The following WIPF2 variants were observed in gnomAD, a reference collection of about 807,000 sequenced individuals.
WIPF2 encodes WAS/WASL interacting protein family member 2.
Under a neutral mutation model 38.8 loss-of-function variants are expected in WIPF2, and 23 were observed. The ratio of observed to expected loss-of-function variants is 0.59; its 90% CI spans 0.43 to 0.84. The LOEUF (loss-of-function observed/expected upper bound fraction) is 0.84. Among genes scored for constraint, WIPF2 ranks in the 40% least tolerant of loss-of-function variants. The probability of loss-of-function intolerance (pLI) is 0.00; values close to 1 mark genes in which losing one functional copy is unlikely to be tolerated. For synonymous variants in WIPF2, 210 were observed against 223.2 expected (o/e 0.94, Z 0.53); for missense variants, 574 against 580.5 (o/e 0.99, Z 0.11).
chr17:40,273,183 G>A (rs886600496), intron 5 of WIPF2, among the ~76,000 whole-genome samples: 4 of 152,038 alleles, frequency 2.6e-5, no homozygotes, highest in Non-Finnish European at 5.9e-5. Context: ...ACAGGCACAC[G>A]CCACCACACC....
At chr17:40,230,228 G>A (rs1255706976) in intron 1 of WIPF2, among the ~76,000 whole-genome samples, 5 of 152,046 alleles carry the variant, frequency 3.3e-5, no homozygotes, top group Admixed American at 3.3e-4. Context: ...GGTTCTAGCC[G>A]CTCAGGAGGC....
intron 1 of WIPF2, among the ~76,000 whole-genome samples, chr17:40,237,532 A>G (rs1239517932): frequency 2.0e-5 from 3 of 151,562 alleles, no homozygotes; most frequent in Non-Finnish European, 1.5e-5. Context: ...GTGAGCTACC[A>G]CGCCCAACCC....
At chr17:40,266,811 G>GA (rs2032102412) in intron 5 of WIPF2, among the ~76,000 whole-genome samples, 1 of 152,130 alleles carries the variant, frequency 6.6e-6, no homozygotes, top group Non-Finnish European at 1.5e-5. Context: ...GGAGGCCAGA[G>GA]AAAAGAGAAT....
Position 40,277,149 on chromosome 17 carries a change from AC to A in WIPF2, c.1248del (p.Gln418ArgfsTer49). 6.2e-7 allele frequency: 1 copy of A among 1,613,558 alleles called. No homozygotes were observed. The highest frequency in any genetic ancestry group is 8.5e-7 in the Non-Finnish European group (1 of 1,179,706). On this transcript the variant is annotated frameshift_variant, in exon 7 of 8. Transcript: ENST00000323571. LOFTEE classifies it high-confidence loss of function. ...TTTCCTGCTCCAGAAGAATATAAACACTTTCAGAGGATATATCCCAGCAAAA... is the reference window on the plus strand; with the variant it reads ...TTTCCTGCTCCAGAAGAATATAAACATTTCAGAGGATATATCCCAGCAAAA... ...EDFPAPEEYK[H>X]FQRIYPSKTN...
At chr17:40,256,361 GTTCTTA>G in intron 1 of WIPF2, 24 bp from the exon 2 acceptor site, 1 of 1,543,566 alleles carries the variant, frequency 6.5e-7, no homozygotes, top group Non-Finnish European at 8.7e-7. Flanking sequence ...TGGTAAAGCT[GTTCTTA>G]ATGAGTTTCT....
chr17:40,254,047 C>T (rs2031645099), intron 1 of WIPF2, among the ~76,000 whole-genome samples: 2 of 149,874 alleles, frequency 1.3e-5, no homozygotes, highest in African/African-American at 4.9e-5. Flanking sequence ...GACAGAGTCT[C>T]ACTCTGTCAT....
intron 5 of WIPF2, among the ~76,000 whole-genome samples, chr17:40,265,517 C>A (rs924413906): frequency 3.3e-5 from 5 of 151,974 alleles, no homozygotes; most frequent in African/African-American, 1.2e-4. Context: ...AAGAAAGTGA[C>A]GAGTAAGCTT....
chr17:40,264,866 C>T lies in WIPF2; in HGVS notation c.690C>T (p.Val230=). ...GREGPPAPPP[V]KPPPSPVNIR... Reference sequence around the variant, plus strand: ...AGGGACCTCCTGCTCCACCCCCAGTCAAACCACCTCCTTCCCCTGTGAATA... The same window carrying T: ...AGGGACCTCCTGCTCCACCCCCAGTTAAACCACCTCCTTCCCCTGTGAATA... Residue 230 remains valine, a synonymous_variant, in exon 5 of 8, where the codon GTC becomes GTT. Coordinates refer to ENST00000323571, the MANE Select transcript of WIPF2 (RefSeq NM_133264.5). The T allele has an allele frequency of 6.2e-7, 1 of 1,614,204 alleles. No homozygotes were observed. Among genetic ancestry groups the T allele is most frequent in the Non-Finnish European group, 8.5e-7 (1 of 1,180,034 alleles).
chr17:40,247,989 C>T (rs572208653), intron 1 of WIPF2, among the ~76,000 whole-genome samples: 1 of 152,028 alleles, frequency 6.6e-6, no homozygotes, highest in Non-Finnish European at 1.5e-5. Context: ...TCTTTGGTTT[C>T]TTGCTGTTAA....
rs553546764 is a variant in WIPF2, at chr17:40,279,329, T to C, written c.*1104T>C. On this transcript the variant is annotated 3_prime_UTR_variant, in exon 8 of 8. Transcript: ENST00000323571. ...CTTTTAAGTCCTGCCTGTACTGAAG[T>C]TCACAGCCCACCTGACTGAGCAGAC... The C allele has an allele frequency of 6.5e-6, 1 of 152,798 alleles. No individual in the cohort carries two copies. Among genetic ancestry groups the C allele is most frequent in the South Asian group, 2.1e-4 (1 of 4,834 alleles). 9.5% of individuals were successfully genotyped at this position (152,798 alleles called of 1,614,324 possible). A position where few individuals can be genotyped will look rare whatever the true frequency, so the allele number is the denominator to read the frequency against.
At chr17:40,226,458 G>A (rs1420812872) in intron 1 of WIPF2, among the ~76,000 whole-genome samples, 3 of 150,792 alleles carry the variant, frequency 2.0e-5, no homozygotes, top group African/African-American at 4.9e-5. Context: ...CTCGCGATCC[G>A]CCCACCTTGG....
intron 6 of WIPF2, among the ~76,000 whole-genome samples, chr17:40,276,768 G>T (rs1176359937): frequency 6.6e-6 from 1 of 152,040 alleles, no homozygotes; most frequent in Non-Finnish European, 1.5e-5. Context: ...CAGAAAACTA[G>T]CCGGGTGAGG....
At position 40,251,930 on chromosome 17, in the gene WIPF2, T is replaced by C. The variant is rs150480361; in HGVS notation, c.-69-4461T>C. ...CAACACTAAAGTCAGTCACTTGATA[T>C]AGATGGTGTTTCTTTGATTTAACTT... On this transcript the variant is annotated intron_variant, in intron 1 of 7. Coordinates refer to ENST00000323571, the MANE Select transcript of WIPF2 (RefSeq NM_133264.5). Among the ~76,000 whole-genome samples the C allele has an allele frequency of 3.9e-5, 6 of 152,332 alleles. No homozygotes were observed. In the East Asian group the frequency reaches 7.7e-4, roughly 20 times the overall value.
At chr17:40,274,064 G>T (rs1202425716) in intron 6 of WIPF2, 65 bp downstream of exon 6, 1 of 1,333,538 alleles carries the variant, frequency 7.5e-7, no homozygotes, top group Non-Finnish European at 1.0e-6. Context: ...CAGTGCCATG[G>T]CTGCTAGATG....
At chr17:40,250,442 G>T (rs1476632088) in intron 1 of WIPF2, among the ~76,000 whole-genome samples, 2 of 149,096 alleles carry the variant, frequency 1.3e-5, no homozygotes, top group African/African-American at 4.9e-5. Context: ...GTAGAGACAG[G>T]GTTTCACCGT....
intron 1 of WIPF2, among the ~76,000 whole-genome samples, chr17:40,232,542 C>T (rs1256971476): frequency 8.6e-5 from 13 of 151,658 alleles, no homozygotes; most frequent in African/African-American, 3.1e-4. Flanking sequence ...AGGCTGGTCT[C>T]GAATTCCTGA....
chr17:40,246,732 T>C (rs1183528600), intron 1 of WIPF2, among the ~76,000 whole-genome samples: 3 of 152,142 alleles, frequency 2.0e-5, no homozygotes, highest in Non-Finnish European at 4.4e-5. Flanking sequence ...TTTTGTTCAA[T>C]TCAGCAAGTG....
Position 40,219,368 on chromosome 17 carries a change from T to TGGTGGCGGCGGC in WIPF2, c.-192_-191insTGGCGGCGGCGG. ...ATTTCCGGGTTGGCAAAAGGGGCGGTGGCGGCGGCGGCGGCGGCGGCGGCG... is the reference window on the plus strand; with the variant it reads ...ATTTCCGGGTTGGCAAAAGGGGCGGTGGTGGCGGCGGCGGCGGCGGCGGCGGCGGCGGCGGCG... On this transcript the variant is annotated 5_prime_UTR_variant, in exon 1 of 8. Transcript: ENST00000323571. The TGGTGGCGGCGGC allele has an allele frequency of 5.3e-6, 2 of 379,542 alleles. No homozygotes were observed. Among genetic ancestry groups the TGGTGGCGGCGGC allele is most frequent in the Admixed American group, 4.2e-5 (1 of 24,032 alleles). 23.5% of individuals were successfully genotyped at this position (379,542 alleles called of 1,614,324 possible). A position where few individuals can be genotyped will look rare whatever the true frequency, so the allele number is the denominator to read the frequency against.
At chr17:40,255,790 C>A (rs1366798065) in intron 1 of WIPF2, among the ~76,000 whole-genome samples, 6 of 151,600 alleles carry the variant, frequency 4.0e-5, no homozygotes, top group African/African-American at 1.2e-4. Flanking sequence ...CACCACACCG[C>A]TACTTTTTTG....
Sources: gnomAD v4.1 joint callset for allele counts (sites outside exome capture counted in the v4.1 genomes callset) on GRCh38, gnomAD v4.1.1 for gene constraint, MANE v1.5 for transcripts, NCBI Gene and HGNC (gene_info 2026-07-23, HGNC 2026-07-21) for gene names.